The following DLGAP2 variants were observed in gnomAD, a reference collection of about 807,000 sequenced individuals.
DLGAP2 encodes DLG associated protein 2.
DLGAP2 carries 26 observed loss-of-function variants against 100.3 expected under a neutral mutation model. That is an observed-to-expected ratio of 0.26 (90% CI 0.19 to 0.36). The LOEUF (loss-of-function observed/expected upper bound fraction) is 0.36. Among genes scored for constraint, DLGAP2 ranks in the 10% least tolerant of loss-of-function variants. The pLI is 1.00. For missense variants in DLGAP2, 1,858 were observed against 1,453.2 expected (o/e 1.28, Z -4.53); for synonymous variants, 886 against 630.1 (o/e 1.41, Z -6.08).
chr8:1,624,150 A>G (rs919452287), intron 6 of DLGAP2, among the ~76,000 whole-genome samples: 5 of 152,216 alleles, frequency 3.3e-5, no homozygotes, highest in South Asian at 4.1e-4. Context: ...GGCAGCTTCA[A>G]TTTGAGAATG....
chr8:1,228,599 C>G (rs1054602709), intron 2 of DLGAP2, among the ~76,000 whole-genome samples: 5 of 152,180 alleles, frequency 3.3e-5, no homozygotes, highest in Non-Finnish European at 5.9e-5. Flanking sequence ...ACATACCCAA[C>G]TAGATTTTTT....
At chr8:1,146,629 ATG>A (rs1441864845) in intron 2 of DLGAP2, among the ~76,000 whole-genome samples, 3 of 151,806 alleles carry the variant, frequency 2.0e-5, no homozygotes, top group South Asian at 2.1e-4. Context: ...GTGTGCATGC[ATG>A]TGTGTGCATG....
chr8:1,221,284 C>T (rs986974654), intron 2 of DLGAP2, among the ~76,000 whole-genome samples: 4 of 152,156 alleles, frequency 2.6e-5, no homozygotes, highest in East Asian at 3.8e-4. Context: ...TCTTCGAAGG[C>T]AGGTCTGGTG....
intron 3 of DLGAP2, among the ~76,000 whole-genome samples, chr8:1,450,937 G>A (rs1798142781): frequency 6.6e-6 from 1 of 152,090 alleles, no homozygotes; most frequent in South Asian, 2.1e-4. Context: ...GCTTCTCTTT[G>A]TATAATTTCT....
At chr8:1,599,564 T>C in intron 6 of DLGAP2, among the ~76,000 whole-genome samples, 1 of 152,206 alleles carries the variant, frequency 6.6e-6, no homozygotes, top group East Asian at 1.9e-4. Context: ...GCTCCTGTAT[T>C]GAGTGCATAT....
At chr8:1,002,451 G>A (rs1276433277) in intron 2 of DLGAP2, 1 of 152,210 alleles carries the variant, frequency 6.6e-6, no homozygotes, top group Non-Finnish European at 1.5e-5. Context: ...TTTTAATAGG[G>A]AAAACATTCA....
At chr8:1,165,949 T>C (rs1797006499) in intron 2 of DLGAP2, among the ~76,000 whole-genome samples, 1 of 152,216 alleles carries the variant, frequency 6.6e-6, no homozygotes, top group Non-Finnish European at 1.5e-5. Context: ...ATTATCCAGT[T>C]TCTTGTAGTT....
intron 6 of DLGAP2, among the ~76,000 whole-genome samples, chr8:1,580,548 G>A (rs1440686317): frequency 6.6e-6 from 1 of 152,186 alleles, no homozygotes; most frequent in African/African-American, 2.4e-5. Flanking sequence ...AAGCAGAGCA[G>A]AACAGAAGAA....
chr8:1,563,252 A>G (rs1362031776), intron 5 of DLGAP2, among the ~76,000 whole-genome samples: 9 of 24,260 alleles, frequency 3.7e-4, no homozygotes, highest in East Asian at 1.3e-3. Flanking sequence ...TTACTGGGGG[A>G]CTGTGTGGTG....
chr8:1,629,303 T>A (rs117448935), intron 7 of DLGAP2, among the ~76,000 whole-genome samples: 2,919 of 152,284 alleles, frequency 0.019, 41 homozygotes, highest in Middle Eastern at 0.092. Context: ...TGGAATTAAG[T>A]TCTCATCTGC....
At chr8:1,172,174 T>C (rs1797142962) in intron 2 of DLGAP2, among the ~76,000 whole-genome samples, 1 of 152,002 alleles carries the variant, frequency 6.6e-6, no homozygotes, top group African/African-American at 2.4e-5. Flanking sequence ...AAATTCTGGG[T>C]TGAAAATTCT....
Position 1,088,136 on chromosome 8 carries a change from A to G in DLGAP2, c.74-170715A>G, listed in dbSNP as rs907777918. ...GAGCTTTGCTTGTTCCACGTCACCA[A>G]GGCGGCTGCTGGTCCACCTTCCAGA... On this transcript the variant is annotated intron_variant, in intron 2 of 14. Coordinates refer to ENST00000637795, the MANE Select transcript of DLGAP2 (RefSeq NM_001346810.2). Among the ~76,000 whole-genome samples, 25 of 152,242 alleles carry G rather than the reference A, an allele frequency of 1.6e-4. 1 individual carries two copies. Among genetic ancestry groups the G allele is most frequent in the Non-Finnish European group, 3.4e-4 (23 of 68,042 alleles).
intron 2 of DLGAP2, among the ~76,000 whole-genome samples, chr8:1,203,778 C>T (rs1030818687): frequency 6.6e-6 from 1 of 152,172 alleles, no homozygotes; most frequent in Admixed American, 6.5e-5. Flanking sequence ...TATTCTAATG[C>T]AGCCAATGTC....
intron 2 of DLGAP2, among the ~76,000 whole-genome samples, chr8:1,102,498 C>T (rs1030657359): frequency 6.6e-6 from 1 of 151,758 alleles, no homozygotes; most frequent in African/African-American, 2.4e-5. Context: ...GCACGCTATT[C>T]GTGGGATTTG....
At chr8:1,148,576 T>A (rs1004761267) in intron 2 of DLGAP2, among the ~76,000 whole-genome samples, 2 of 149,622 alleles carry the variant, frequency 1.3e-5, no homozygotes, top group Non-Finnish European at 3.0e-5. Context: ...CAATTTTTTA[T>A]GTTCAGCTTT....
At chr8:1,464,278 C>T (rs867661025) in intron 3 of DLGAP2, among the ~76,000 whole-genome samples, 3 of 111,252 alleles carry the variant, frequency 2.7e-5, no homozygotes, top group South Asian at 3.1e-4. Context: ...GGCACCCTTC[C>T]AGGACAACGC....
At chr8:836,779 T>A (rs1796885697) in intron 1 of DLGAP2, among the ~76,000 whole-genome samples, 1 of 152,178 alleles carries the variant, frequency 6.6e-6, no homozygotes, top group Admixed American at 6.5e-5. Context: ...AACAAGCTGC[T>A]TATTTAAAGA....
At chr8:1,446,290 A>C (rs1215043587) in intron 3 of DLGAP2, among the ~76,000 whole-genome samples, 2 of 152,128 alleles carry the variant, frequency 1.3e-5, no homozygotes, top group African/African-American at 2.4e-5. Context: ...GAAGGGATCC[A>C]GTTTCAGCTT....
chr8:833,094 G>T (rs1285487532), intron 1 of DLGAP2, among the ~76,000 whole-genome samples: 1 of 152,180 alleles, frequency 6.6e-6, no homozygotes. Flanking sequence ...TTGATACAGG[G>T]CTTACCTGTC....
Sources: allele counts gnomAD v4.1 joint callset (sites outside exome capture counted in the v4.1 genomes callset), GRCh38; gene constraint gnomAD v4.1.1; transcripts MANE v1.5; gene names NCBI Gene and HGNC (gene_info 2026-07-23, HGNC 2026-07-21).